SHLD2: variants seen among roughly 807,000 people sequenced by gnomAD.
SHLD2 encodes RINN1-REV7-interacting novel NHEJ regulator 2.
In SHLD2, 30 loss-of-function variants were observed where a neutral mutation model predicts 73.2. The ratio of observed to expected loss-of-function variants is 0.41; its 90% CI spans 0.31 to 0.56. The LOEUF (loss-of-function observed/expected upper bound fraction) is 0.56, where lower values mean the gene tolerates loss of function less well. Among genes scored for constraint, SHLD2 ranks in the 20% least tolerant of loss-of-function variants. The probability of loss-of-function intolerance (pLI) is 0.28; values close to 1 mark genes in which losing one functional copy is unlikely to be tolerated. For synonymous variants in SHLD2, 285 were observed against 370.1 expected (o/e 0.77, Z 2.64); for missense variants, 745 against 1,055.9 (o/e 0.71, Z 4.08).
rs545449214 is a variant in SHLD2, at chr10:87,119,227, A to G, written c.-6+22238A>G. On this transcript the variant is annotated intron_variant, in intron 2 of 9. Transcript: ENST00000298786. ...AAACCAGTTTCCTTCTGGCTTTCCAACTGACATAATAAGCAAAACCTGCCT... is the reference window on the plus strand; with the variant it reads ...AAACCAGTTTCCTTCTGGCTTTCCAGCTGACATAATAAGCAAAACCTGCCT... Among the ~76,000 whole-genome samples, 39 of 151,736 alleles carry G rather than the reference A, an allele frequency of 2.6e-4. No homozygotes were observed. In the East Asian group the frequency reaches 7.0e-3, roughly 27 times the overall value.
At chr10:87,104,743 C>G (rs1222461677) in intron 2 of SHLD2, among the ~76,000 whole-genome samples, 1 of 151,782 alleles carries the variant, frequency 6.6e-6, no homozygotes, top group Non-Finnish European at 1.5e-5. Context: ...TCGCTGCAAC[C>G]TCCACTTCCC....
chr10:87,168,052 T>G (rs937736765), intron 4 of SHLD2, among the ~76,000 whole-genome samples: 14 of 152,218 alleles, frequency 9.2e-5, no homozygotes, highest in Non-Finnish European at 1.3e-4. Flanking sequence ...GTTCAGCCGC[T>G]GTTGAAAACA....
chr10:87,115,391 A>G (rs1160643254), intron 2 of SHLD2: 1 of 152,234 alleles, frequency 6.6e-6, no homozygotes, highest in Non-Finnish European at 1.5e-5. Flanking sequence ...AGGAACACCT[A>G]GAGATAGAGT....
At chr10:87,106,764 A>T (rs1470460230) in intron 2 of SHLD2, among the ~76,000 whole-genome samples, 1 of 152,234 alleles carries the variant, frequency 6.6e-6, no homozygotes, top group African/African-American at 2.4e-5. Flanking sequence ...GTTATCATCA[A>T]TGTAACACAT....
chr10:87,151,535 A>G lies in SHLD2; in HGVS notation c.181A>G (p.Asn61Asp), dbSNP rs760144773. The change falls in exon 3 of 10, where the codon AAC (asparagine) becomes GAC (aspartate). Residue 61 changes from asparagine to aspartate, a missense_variant. This residue lies in a region of SHLD2 where 280 missense variants were observed against 353.9 expected (regional missense o/e 0.79). Transcript: ENST00000298786. Reference protein sequence around the residue: ...KDEKQHKNLENYKVPESIGSP... With the variant: ...KDEKQHKNLEDYKVPESIGSP... ...TGAAAAACAGCACAAAAATCTTGAA[A>G]ACTATAAAGTCCCAGAATCTATTGG... is the stretch of plus-strand genomic sequence containing the variant. 1.9e-6 allele frequency: 3 copies of G among 1,611,066 alleles called. No homozygotes were observed. The highest frequency in any genetic ancestry group is 4.5e-5 in the East Asian group (2 of 44,848).
In SHLD2 at chr10:87,170,586, G is replaced by GTATA; in HGVS notation, c.1743_1746dup (p.Asp583TyrfsTer12). ...CCGAGGCAGCCTCAGAGGGTGAACA[G>GTATA]TATAGACTTTGTAGAATTGGAGCAC... On this transcript the variant is annotated frameshift_variant, in exon 5 of 10. Transcript: ENST00000298786. LOFTEE classifies it high-confidence loss of function. The GTATA allele has an allele frequency of 6.2e-7, 1 of 1,613,722 alleles. No individual in the cohort carries two copies. The highest frequency in any genetic ancestry group is 1.7e-4 in the Middle Eastern group (1 of 6,054).
chr10:87,114,460 C>T (rs1456007902), intron 2 of SHLD2: 1 of 152,134 alleles, frequency 6.6e-6, no homozygotes, highest in Non-Finnish European at 1.5e-5. Context: ...TGCAGTGGCT[C>T]ACGCCTATAA....
At chr10:87,128,950 T>C (rs1844232942) in intron 2 of SHLD2, among the ~76,000 whole-genome samples, 2 of 152,224 alleles carry the variant, frequency 1.3e-5, no homozygotes, top group Non-Finnish European at 2.9e-5. Flanking sequence ...TCGCCCAGGC[T>C]GGAGTGCAGT....
intron 2 of SHLD2, among the ~76,000 whole-genome samples, chr10:87,145,880 C>A (rs1377827303): frequency 6.6e-6 from 1 of 151,998 alleles, no homozygotes; most frequent in Non-Finnish European, 1.5e-5. Flanking sequence ...GAGCTTTAAC[C>A]CTCTGAATAC....
At chr10:87,109,751 C>T (rs1427923609) in intron 2 of SHLD2, among the ~76,000 whole-genome samples, 1 of 152,198 alleles carries the variant, frequency 6.6e-6, no homozygotes, top group Non-Finnish European at 1.5e-5. Context: ...ATGTCATCAC[C>T]TGCCTTTCCT....
At chr10:87,168,098 A>G (rs542905868) in intron 4 of SHLD2, among the ~76,000 whole-genome samples, 3 of 152,324 alleles carry the variant, frequency 2.0e-5, no homozygotes, top group African/African-American at 4.8e-5. Context: ...AAACTGAACT[A>G]TGATTTGACC....
upstream of SHLD2, chr10:87,094,847 G>A (rs532878121): frequency 1.3e-5 from 16 of 1,194,962 alleles, no homozygotes; most frequent in Middle Eastern, 5.6e-4. The surrounding 1 kb of genome is among the most constrained non-coding windows in gnomAD (Gnocchi z 6.6). Context: ...TAGGGAGGAA[G>A]GGTCCCGCGC....
At chr10:87,186,076 A>G (rs1848602125) in intron 8 of SHLD2, among the ~76,000 whole-genome samples, 1 of 152,082 alleles carries the variant, frequency 6.6e-6, no homozygotes, top group Non-Finnish European at 1.5e-5. Flanking sequence ...CTTTTTCACT[A>G]GTGGGTACCC....
In SHLD2 at chr10:87,158,103, T is replaced by C; in HGVS notation, c.1581T>C (p.Phe527=). 3.1e-6 allele frequency: 5 copies of C among 1,611,510 alleles called. No individual in the cohort carries two copies. Among genetic ancestry groups the C allele is most frequent in the Non-Finnish European group, 4.2e-6 (5 of 1,179,584 alleles). The change falls in exon 4 of 10, where the codon TTT becomes TTC. Residue 527 remains phenylalanine (F), a synonymous_variant. Transcript: ENST00000298786. The part of the protein sequence containing the change: ...WIGETVLQST[F]SSQLLNLGSY... ...GCGAGACAGTACTACAATCAACATT[T>C]AGCAGTCAGTTATTAAATCTTGGGA... is the stretch of plus-strand genomic sequence containing the variant.
chr10:87,117,667 C>T (rs1261625990), intron 2 of SHLD2, among the ~76,000 whole-genome samples: 2 of 151,938 alleles, frequency 1.3e-5, no homozygotes, highest in Non-Finnish European at 2.9e-5. Context: ...TGGTGGCATG[C>T]ACCTGTAGTC....
At position 87,190,510 on chromosome 10, in the gene SHLD2, A is replaced by C. The variant is rs1849001412; in HGVS notation, c.2542A>C (p.Met848Leu). Residue 848 changes from methionine (M) to leucine (L), a missense_variant, in exon 10 of 10, where the codon ATG becomes CTG. Coordinates refer to ENST00000298786, the MANE Select transcript of SHLD2 (RefSeq NM_001330112.2). ...TCCTTCCTCAGAGATCACCTATGGG[A>C]TGGTCGTGGCAGACCTGTTCCACTC... ...IVPSSEITYG[M>L]VVADLFHSLL... is the part of the protein sequence containing the mutation. 1.2e-6 allele frequency: 2 copies of C among 1,611,816 alleles called. No homozygotes were observed. The highest frequency in any genetic ancestry group is 3.3e-5 in the Admixed American group (2 of 59,992).
chr10:87,111,326 G>C (rs1202919563), intron 2 of SHLD2, among the ~76,000 whole-genome samples: 1 of 151,908 alleles, frequency 6.6e-6, no homozygotes, highest in African/African-American at 2.4e-5. Context: ...CCACATCCCA[G>C]TAAGTTTTGT....
chr10:87,151,843 T>C lies in SHLD2; in HGVS notation c.489T>C (p.Phe163=). The change falls in exon 3 of 10, where the codon TTT becomes TTC. Residue 163 remains phenylalanine (F), a synonymous_variant. Coordinates refer to ENST00000298786, the MANE Select transcript of SHLD2 (RefSeq NM_001330112.2). The part of the protein sequence containing the change: ...KHQPDICGKN[F]NTNLFQLGHK... ...AGCCAGATATATGTGGTAAGAACTT[T>C]AACACAAATTTGTTTCAGTTGGGCC... 6.8e-6 allele frequency: 11 copies of C among 1,611,732 alleles called. No individual in the cohort carries two copies. The highest frequency in any genetic ancestry group is 9.3e-6 in the Non-Finnish European group (11 of 1,179,690).
chr10:87,163,943 T>TTTCTC (rs1847003508), intron 4 of SHLD2, among the ~76,000 whole-genome samples: 1 of 144,070 alleles, frequency 6.9e-6, no homozygotes, highest in Non-Finnish European at 1.5e-5. Flanking sequence ...AACATTTTCT[T>TTTCTC]TTCTTTTCTT....
Sources: gnomAD v4.1 joint callset for allele counts (sites outside exome capture counted in the v4.1 genomes callset) on GRCh38, gnomAD v4.1.1 for gene constraint, gnomAD v4.1.1 regional missense constraint, Gnocchi (gnomAD v3.1) non-coding constraint, MANE v1.5 for transcripts, NCBI Gene and HGNC (gene_info 2026-07-23, HGNC 2026-07-21) for gene names.